Variants in APOLD1 observed in about 807,000 individuals in gnomAD.
The protein encoded by APOLD1 is apolipoprotein L domain containing 1.
In APOLD1, 22 loss-of-function variants were observed where a neutral mutation model predicts 15.3. The ratio of observed to expected loss-of-function variants is 1.44; its 90% CI spans 1.03 to 2.05. APOLD1 has a LOEUF of 2.05. Ranked by LOEUF, APOLD1 falls within the 30% of genes most tolerant of loss-of-function variation. The probability of loss-of-function intolerance (pLI) is 0.00; values close to 1 mark genes in which losing one functional copy is unlikely to be tolerated. For missense variants in APOLD1, 394 were observed against 353.5 expected (o/e 1.11, Z -0.92); for synonymous variants, 190 against 167.4 (o/e 1.13, Z -1.04).
chr12:12,785,793 T>C (rs1947119146), intron 1 of APOLD1, 99 bp downstream of exon 1: 3 of 1,232,092 alleles, frequency 2.4e-6, no homozygotes, highest in South Asian at 2.4e-5. Context: ...TATGGAAGCA[T>C]GGAAGTAAAA....
At chr12:12,769,049 A>G (rs1008160570) in intron 1 of APOLD1, among the ~76,000 whole-genome samples, 2 of 151,782 alleles carry the variant, frequency 1.3e-5, no homozygotes, top group East Asian at 3.9e-4. Context: ...GCAACGTGGC[A>G]AAACCCCATC....
chr12:12,771,828 A>G (rs1946989921), intron 1 of APOLD1: 2 of 194,766 alleles, frequency 1.0e-5, no homozygotes, highest in East Asian at 3.1e-4. Context: ...GATACAAAAG[A>G]TGTGAGAGAG....
intron 1 of APOLD1, among the ~76,000 whole-genome samples, chr12:12,735,576 T>A (rs1047697722): frequency 6.6e-6 from 1 of 152,102 alleles, no homozygotes; most frequent in Non-Finnish European, 1.5e-5. Flanking sequence ...ATGGGCTTTT[T>A]AAGCCACATT....
chr12:12,772,566 A>T (rs2136392885), intron 1 of APOLD1, among the ~76,000 whole-genome samples: 1 of 152,348 alleles, frequency 6.6e-6, no homozygotes, highest in Non-Finnish European at 1.5e-5. Flanking sequence ...TCTCTCAGGA[A>T]CGGACAGATC....
chr12:12,730,864 A>G (rs1030523346), intron 1 of APOLD1, among the ~76,000 whole-genome samples: 3 of 152,058 alleles, frequency 2.0e-5, no homozygotes, highest in African/African-American at 7.2e-5. Context: ...CAAATTGGCC[A>G]GGCACAGTGG....
intron 1 of APOLD1, among the ~76,000 whole-genome samples, chr12:12,730,698 A>G (rs924019302): frequency 8.3e-6 from 1 of 120,772 alleles, no homozygotes; most frequent in African/African-American, 3.2e-5. Context: ...AAAAAAAAAA[A>G]GAAAGAAAGA....
At chr12:12,737,010 C>G (rs553123925) in intron 1 of APOLD1, among the ~76,000 whole-genome samples, 10 of 152,320 alleles carry the variant, frequency 6.6e-5, no homozygotes, top group African/African-American at 2.2e-4. Flanking sequence ...ATGTTTTGCT[C>G]TTTGGCTGTG....
chr12:12,756,977 G>A (rs1946861556), intron 1 of APOLD1, among the ~76,000 whole-genome samples: 1 of 152,144 alleles, frequency 6.6e-6, no homozygotes, highest in Non-Finnish European at 1.5e-5. Context: ...AGTAGAGACA[G>A]GGTTTTGCCA....
At chr12:12,742,127 C>T (rs1215897118) in intron 1 of APOLD1, among the ~76,000 whole-genome samples, 4 of 152,174 alleles carry the variant, frequency 2.6e-5, no homozygotes, top group African/African-American at 9.7e-5. Context: ...CCAGCTATGT[C>T]CGGAATGGCT....
chr12:12,754,724 C>A (rs1005101760), intron 1 of APOLD1, among the ~76,000 whole-genome samples: 1 of 151,968 alleles, frequency 6.6e-6, no homozygotes, highest in Non-Finnish European at 1.5e-5. Flanking sequence ...AGTCACCATG[C>A]CTGGCCGAAA....
chr12:12,737,832 T>A (rs1333495080), intron 1 of APOLD1, among the ~76,000 whole-genome samples: 3 of 152,260 alleles, frequency 2.0e-5, no homozygotes, highest in Non-Finnish European at 2.9e-5. Context: ...TGCACGATAG[T>A]GGAGCAAGAT....
In APOLD1 at chr12:12,787,605, C is replaced by T. The variant is rs757280015; in HGVS notation, c.700C>T (p.His234Tyr). The part of the protein sequence containing the change: ...VQLCTKSSRG[H>Y]DLKISADQRA... ...GCTCTGCACCAAGTCCAGTCGTGGC[C>T]ACGACCTCAAGATCTCTGCTGACCA... is the stretch of plus-strand genomic sequence containing the variant. Residue 234 changes from histidine (H) to tyrosine (Y), a missense_variant, in exon 2 of 2, where the codon CAC becomes TAC. Transcript: ENST00000356591. This position sits in a 1 kb window ranked among gnomAD's most constrained non-coding sequence, Gnocchi z 4.9. 3 of 1,610,418 alleles carry T rather than the reference C, an allele frequency of 1.9e-6. No individual in the cohort carries two copies. The highest frequency in any genetic ancestry group is 2.5e-6 in the Non-Finnish European group (3 of 1,179,966).
chr12:12,785,008 C>T (rs1344593709), upstream of APOLD1, among the ~76,000 whole-genome samples: 1 of 152,168 alleles, frequency 6.6e-6, no homozygotes, highest in Non-Finnish European at 1.5e-5. Flanking sequence ...AGCCTGACCC[C>T]ACTGATTTTT....
chr12:12,750,684 C>T (rs1040599702), intron 1 of APOLD1, among the ~76,000 whole-genome samples: 2 of 151,750 alleles, frequency 1.3e-5, no homozygotes, highest in African/African-American at 2.4e-5. Flanking sequence ...CATTGTTGAT[C>T]CTCTGATATG....
intron 1 of APOLD1, among the ~76,000 whole-genome samples, chr12:12,756,818 G>C (rs1223162711): frequency 2.0e-5 from 3 of 151,462 alleles, no homozygotes; most frequent in Admixed American, 2.0e-4. Flanking sequence ...ATAGAGTCTT[G>C]CTCTATTGCC....
intron 1 of APOLD1, among the ~76,000 whole-genome samples, chr12:12,773,029 T>G (rs1947000685): frequency 6.6e-6 from 1 of 152,046 alleles, no homozygotes; most frequent in South Asian, 2.1e-4. Flanking sequence ...TAGTAAGTTA[T>G]GATCGCACCA....
chr12:12,756,688 C>T (rs1035687331), intron 1 of APOLD1, among the ~76,000 whole-genome samples: 3 of 152,156 alleles, frequency 2.0e-5, no homozygotes, highest in African/African-American at 7.2e-5. Context: ...CTCCCCTGTC[C>T]CCTGGAAACC....
intron 1 of APOLD1, among the ~76,000 whole-genome samples, chr12:12,765,662 G>A (rs907611891): frequency 2.6e-5 from 4 of 152,144 alleles, no homozygotes; most frequent in Non-Finnish European, 5.9e-5. Flanking sequence ...CTTGAGCCCA[G>A]GAATTCAAGA....
chr12:12,750,761 ATG>A (rs1000885447), intron 1 of APOLD1, among the ~76,000 whole-genome samples: 9 of 152,096 alleles, frequency 5.9e-5, no homozygotes, highest in African/African-American at 2.2e-4. Context: ...TGGATACAGA[ATG>A]TCACTGAACC....
Sources: gnomAD v4.1 joint callset for allele counts (sites outside exome capture counted in the v4.1 genomes callset) on GRCh38, gnomAD v4.1.1 for gene constraint, Gnocchi (gnomAD v3.1) non-coding constraint, MANE v1.5 for transcripts, NCBI Gene and HGNC (gene_info 2026-07-23, HGNC 2026-07-21) for gene names.